Variants in WDR25 observed in about 807,000 individuals in gnomAD.
WDR25 encodes the protein WD repeat domain 25.
A neutral mutation model predicts 47.7 loss-of-function variants in WDR25; 35 were observed. That is an observed-to-expected ratio of 0.73 (90% CI 0.56 to 0.97). WDR25 has a LOEUF of 0.97. WDR25 is among the 50% of genes least tolerant of loss of function. The pLI, the probability that WDR25 is intolerant of heterozygous loss-of-function variation, is 0.00. For synonymous variants in WDR25, 248 were observed against 278.9 expected, an observed-to-expected ratio of 0.89 and a Z score of 1.10; for missense variants, 634 against 704.7, an observed-to-expected ratio of 0.90 and a Z score of 1.14.
chr14:100,405,027 G>C (rs1355607331), intron 2 of WDR25, among the ~76,000 whole-genome samples: 3 of 152,022 alleles, frequency 2.0e-5, no homozygotes, highest in Admixed American at 2.0e-4. Flanking sequence ...GCTTCTTCCA[G>C]TCTCACCCCC....
chr14:100,411,565 C>T (rs1009179466), intron 2 of WDR25, among the ~76,000 whole-genome samples: 6 of 148,160 alleles, frequency 4.0e-5, no homozygotes, highest in Non-Finnish European at 5.9e-5. Context: ...GAGATAGAGT[C>T]TTGCTCTGTC....
At chr14:100,519,232 G>A (rs1448900710) in intron 4 of WDR25, among the ~76,000 whole-genome samples, 4 of 150,276 alleles carry the variant, frequency 2.7e-5, no homozygotes, top group African/African-American at 1.0e-4. Flanking sequence ...TTTGTCCAGA[G>A]TTTTTTTGTG....
chr14:100,521,632 A>C (rs1403025752), intron 4 of WDR25, among the ~76,000 whole-genome samples: 2 of 152,140 alleles, frequency 1.3e-5, no homozygotes, highest in African/African-American at 4.8e-5. Flanking sequence ...GTATTAATGT[A>C]CTAGAGTTTA....
intron 2 of WDR25, among the ~76,000 whole-genome samples, chr14:100,429,673 G>A (rs78971843): frequency 0.013 from 2,023 of 152,264 alleles, 34 homozygotes; most frequent in African/African-American, 0.043. Context: ...TCCCAGTTCT[G>A]TAGACTGGAA....
intron 2 of WDR25, among the ~76,000 whole-genome samples, chr14:100,444,499 T>G (rs1020249821): frequency 3.3e-5 from 5 of 152,352 alleles, no homozygotes; most frequent in African/African-American, 1.2e-4. Flanking sequence ...ATGCCAGAGC[T>G]GCTACCTTTC....
Position 100,454,473 on chromosome 14 carries a change from T to C in WDR25, c.823-13548T>C, listed in dbSNP as rs772757186. The C allele has an allele frequency of 1.6e-5, 21 of 1,282,968 alleles. 1 individual carries two copies. The South Asian group carries it at 2.6e-4, about 16-fold the overall frequency. 79.5% of individuals were successfully genotyped at this position (1,282,968 alleles called of 1,614,324 possible). A position where few individuals can be genotyped will look rare whatever the true frequency, so the allele number is the denominator to read the frequency against. On this transcript the variant is annotated intron_variant, in intron 2 of 6. Coordinates refer to ENST00000402312, the MANE Select transcript of WDR25 (RefSeq NM_001161476.3). The stretch of plus-strand genomic sequence containing the variant: ...TTGGCTTCCAGTAATGAAGCAGTAG[T>C]TCTGGCAGACTAACCCTCCCACAGC...
At chr14:100,511,027 A>G (rs1314989393) in intron 4 of WDR25, among the ~76,000 whole-genome samples, 1 of 152,024 alleles carries the variant, frequency 6.6e-6, no homozygotes, top group African/African-American at 2.4e-5. Context: ...TTGCATTTAC[A>G]TTTCAGTTTT....
intron 4 of WDR25, among the ~76,000 whole-genome samples, chr14:100,518,357 C>G (rs116754698): frequency 0.01 from 1,572 of 152,120 alleles, 24 homozygotes; most frequent in African/African-American, 0.036. Flanking sequence ...AATTGTTCTC[C>G]TCTGTGTAAT....
rs566297242 is a variant in WDR25 at position 100,430,979 on chromosome 14, C to T, written c.823-37042C>T. On this transcript the variant is annotated intron_variant, in intron 2 of 6. Coordinates refer to ENST00000402312, the MANE Select transcript of WDR25 (RefSeq NM_001161476.3). The surrounding 1 kb of genome is among the most constrained non-coding windows in gnomAD (Gnocchi z 4.7). Reference sequence around the variant, plus strand: ...GCCTCATCGTTGGCTTCTATGTGGCCGGCCTTCAGTAGGTGTTTCCTGAGT... The same window carrying T: ...GCCTCATCGTTGGCTTCTATGTGGCTGGCCTTCAGTAGGTGTTTCCTGAGT... Among the ~76,000 whole-genome samples, 13 of 152,278 alleles carry T rather than the reference C, an allele frequency of 8.5e-5. No homozygotes were observed. The South Asian group carries it at 1.5e-3, about 17-fold the overall frequency.
intron 4 of WDR25, among the ~76,000 whole-genome samples, chr14:100,508,193 C>T (rs1468608028): frequency 6.6e-6 from 1 of 152,076 alleles, no homozygotes; most frequent in Non-Finnish European, 1.5e-5. Context: ...TCTCAATAAA[C>T]ACAGAAAAAG....
intron 2 of WDR25, among the ~76,000 whole-genome samples, chr14:100,437,213 G>T (rs1412176785): frequency 1.3e-5 from 2 of 152,166 alleles, no homozygotes; most frequent in African/African-American, 4.8e-5. Flanking sequence ...CCACACGTTG[G>T]TCTTGCTCCT....
In WDR25 at chr14:100,404,382, G is replaced by C. The variant is rs1897471024; in HGVS notation, c.822+22636G>C. 1.3e-5 allele frequency among the ~76,000 whole-genome samples: 2 copies of C among 152,254 alleles called. No homozygotes were observed. Among genetic ancestry groups the C allele is most frequent in the South Asian group, 2.1e-4 (1 of 4,836 alleles). On this transcript the variant is annotated intron_variant, in intron 2 of 6. Coordinates refer to ENST00000402312, the MANE Select transcript of WDR25 (RefSeq NM_001161476.3). The surrounding 1 kb of genome is among the most constrained non-coding windows in gnomAD (Gnocchi z 4.6). ...GGGTTCTCATTTTCCTGTAGAATCA[G>C]TGTTATTCATGGCAGTGAGGGCCTG... is the stretch of plus-strand genomic sequence containing the variant.
intron 2 of WDR25, among the ~76,000 whole-genome samples, chr14:100,388,021 G>A (rs1238964194): frequency 2.6e-5 from 4 of 152,242 alleles, no homozygotes; most frequent in Non-Finnish European, 4.4e-5. Context: ...CAAAGACAAG[G>A]GATTTATGGC....
chr14:100,376,527 G>C, intron 1 of WDR25, 32 bp downstream of exon 1: 1 of 1,231,998 alleles, frequency 8.1e-7, no homozygotes, highest in Non-Finnish European at 1.0e-6. Context: ...CCCCGGGCTG[G>C]AGGGGCCGGG....
At chr14:100,448,087 C>T (rs1898896560) in intron 2 of WDR25, among the ~76,000 whole-genome samples, 1 of 150,388 alleles carries the variant, frequency 6.6e-6, no homozygotes. Flanking sequence ...CCCAGCTACT[C>T]TGGAGGCTGA....
chr14:100,418,712 G>T (rs1897942941), intron 2 of WDR25, among the ~76,000 whole-genome samples: 1 of 152,062 alleles, frequency 6.6e-6, no homozygotes, highest in African/African-American at 2.4e-5. Flanking sequence ...AACGGTCAGG[G>T]TCTATGCTAA....
rs779337908 is a variant in WDR25 at position 100,488,875 on chromosome 14, G to A, written c.1101+4751G>A. ...TATCCACAGGTGTTTATTTACAGCC[G>A]CTTGGTGTGGGAGCCTGAGTCACCT... On this transcript the variant is annotated intron_variant, in intron 4 of 6. Transcript: ENST00000402312. This position sits in a 1 kb window ranked among gnomAD's most constrained non-coding sequence, Gnocchi z 4.2. 2.6e-5 allele frequency among the ~76,000 whole-genome samples: 4 copies of A among 152,208 alleles called. No homozygotes were observed. Among genetic ancestry groups the A allele is most frequent in the Non-Finnish European group, 5.9e-5 (4 of 68,036 alleles).
chr14:100,459,111 A>G (rs1381661562), intron 2 of WDR25, among the ~76,000 whole-genome samples: 1 of 152,186 alleles, frequency 6.6e-6, no homozygotes, highest in Non-Finnish European at 1.5e-5. Flanking sequence ...TTTGAGACCA[A>G]TGAAAGGTAT....
At chr14:100,519,418 T>G (rs2140378625) in intron 4 of WDR25, among the ~76,000 whole-genome samples, 1 of 152,170 alleles carries the variant, frequency 6.6e-6, no homozygotes, top group African/African-American at 2.4e-5. Context: ...TAACGGTTTC[T>G]TTTGCAGTGT....
Sources: gnomAD v4.1 joint callset for allele counts (sites outside exome capture counted in the v4.1 genomes callset) on GRCh38, gnomAD v4.1.1 for gene constraint, Gnocchi (gnomAD v3.1) non-coding constraint, MANE v1.5 for transcripts, NCBI Gene and HGNC (gene_info 2026-07-23, HGNC 2026-07-21) for gene names.